Variants in RIN2 observed in about 807,000 individuals in gnomAD.
RIN2 encodes RAB5 interacting protein 2.
In RIN2, 36 loss-of-function variants were observed where a neutral mutation model predicts 78.0. The ratio of observed to expected loss-of-function variants is 0.46; its 90% CI spans 0.35 to 0.61. RIN2 has a LOEUF of 0.61. RIN2 is among the 20% of genes least tolerant of loss of function. RIN2 has a pLI of 0.00. For missense variants in RIN2, 1,087 were observed against 1,159.7 expected, an observed-to-expected ratio of 0.94 and a Z score of 0.91; for synonymous variants, 466 against 466.8, an observed-to-expected ratio of 1.00 and a Z score of 0.02.
At chr20:19,874,078 GTGTGTGTT>G (rs1395125208) in intron 2 of RIN2, among the ~76,000 whole-genome samples, 4 of 151,982 alleles carry the variant, frequency 2.6e-5, no homozygotes, top group African/African-American at 9.7e-5. Context: ...GTGTGTGTGT[GTGTGTGTT>G]TGTGTGTGTT....
intron 1 of RIN2, among the ~76,000 whole-genome samples, chr20:19,787,046 A>T (rs1600452894): frequency 6.6e-6 from 1 of 152,262 alleles, no homozygotes; most frequent in East Asian, 1.9e-4. Context: ...GGTCTCAAGG[A>T]TTTCTAATGA....
At chr20:19,977,518 G>T (rs1337656633) in intron 9 of RIN2, among the ~76,000 whole-genome samples, 8 of 152,130 alleles carry the variant, frequency 5.3e-5, no homozygotes, top group African/African-American at 1.9e-4. Flanking sequence ...TATTCCAGTG[G>T]GTCCTCACCT....
intron 2 of RIN2, among the ~76,000 whole-genome samples, chr20:19,804,874 T>C (rs2122741655): frequency 6.6e-6 from 1 of 152,310 alleles, no homozygotes; most frequent in Non-Finnish European, 1.5e-5. Context: ...TTTTGTTTTG[T>C]TTTTGGTTGG....
intron 11 of RIN2, among the ~76,000 whole-genome samples, chr20:19,992,646 C>CA (rs1434041244): frequency 6.6e-6 from 1 of 151,860 alleles, no homozygotes; most frequent in Non-Finnish European, 1.5e-5. Flanking sequence ...AGGAAAAACA[C>CA]AAAGAAAAAA....
chr20:19,855,467 T>C (rs1170710793), intron 2 of RIN2, among the ~76,000 whole-genome samples: 1 of 152,214 alleles, frequency 6.6e-6, no homozygotes, highest in East Asian at 1.9e-4. Context: ...TGCCAGCTCC[T>C]CCTCATACCT....
intron 2 of RIN2, among the ~76,000 whole-genome samples, chr20:19,833,816 T>A (rs1224503689): frequency 1.3e-5 from 2 of 152,064 alleles, no homozygotes; most frequent in African/African-American, 4.8e-5. Flanking sequence ...AGCACAGGGG[T>A]GCAAAAGTGC....
At chr20:19,929,928 A>G (rs1439990632) in intron 3 of RIN2, among the ~76,000 whole-genome samples, 1 of 152,176 alleles carries the variant, frequency 6.6e-6, no homozygotes, top group African/African-American at 2.4e-5. Flanking sequence ...TGTGATGCTA[A>G]CTGCTGCTGG....
At chr20:19,994,851 G>A (rs73901379) in intron 11 of RIN2, among the ~76,000 whole-genome samples, 2 of 152,110 alleles carry the variant, frequency 1.3e-5, no homozygotes, top group Non-Finnish European at 1.5e-5. Flanking sequence ...CTTAACTAGG[G>A]TGATTATACT....
chr20:19,955,795 T>TGA (rs1321579842), intron 4 of RIN2, among the ~76,000 whole-genome samples: 1 of 152,188 alleles, frequency 6.6e-6, no homozygotes, highest in Admixed American at 6.5e-5. Flanking sequence ...CTTAGATTTG[T>TGA]GAGAAGAAAT....
chr20:19,881,754 A>G (rs930211488), intron 2 of RIN2, among the ~76,000 whole-genome samples: 3 of 152,274 alleles, frequency 2.0e-5, no homozygotes, highest in Middle Eastern at 3.4e-3. Flanking sequence ...TAATAGACTC[A>G]GGACATTTTC....
intron 4 of RIN2, among the ~76,000 whole-genome samples, chr20:19,945,654 C>T (rs1198917110): frequency 1.3e-5 from 2 of 152,164 alleles, no homozygotes; most frequent in Admixed American, 6.5e-5. Context: ...TAAAGCTCAT[C>T]ACTGACTTTT....
chr20:19,921,620 T>A (rs2039925336), intron 3 of RIN2, among the ~76,000 whole-genome samples: 1 of 152,084 alleles, frequency 6.6e-6, no homozygotes. Context: ...CATCTCTGGC[T>A]CCAGGAAGAA....
At chr20:19,870,010 CTG>C (rs1315885362) in intron 2 of RIN2, among the ~76,000 whole-genome samples, 1 of 152,004 alleles carries the variant, frequency 6.6e-6, no homozygotes, top group African/African-American at 2.4e-5. Context: ...GAGGACTCCT[CTG>C]TACTATTTGC....
intron 4 of RIN2, among the ~76,000 whole-genome samples, chr20:19,947,797 G>A (rs968622855): frequency 2.0e-5 from 3 of 152,262 alleles, no homozygotes; most frequent in Admixed American, 2.0e-4. Context: ...CATGGGCGGA[G>A]CCTGCCGCTC....
At chr20:19,806,267 C>T (rs60592947) in intron 2 of RIN2, among the ~76,000 whole-genome samples, 3 of 152,154 alleles carry the variant, frequency 2.0e-5, no homozygotes, top group Non-Finnish European at 4.4e-5. Context: ...AATGGTATTT[C>T]TAGTTCTAGT....
intron 1 of RIN2, among the ~76,000 whole-genome samples, chr20:19,782,908 G>A (rs987711110): frequency 2.0e-5 from 3 of 152,238 alleles, no homozygotes; most frequent in Non-Finnish European, 1.5e-5. Context: ...CTGTATGCTG[G>A]CTGTCCAGCT....
chr20:19,944,817 G>A (rs2041022015), intron 4 of RIN2, among the ~76,000 whole-genome samples: 2 of 152,206 alleles, frequency 1.3e-5, no homozygotes, highest in Admixed American at 6.5e-5. Flanking sequence ...GCCTGTAGAA[G>A]CTTTGGGGTT....
intron 4 of RIN2, among the ~76,000 whole-genome samples, chr20:19,940,019 T>C (rs1207269732): frequency 2.0e-5 from 3 of 152,112 alleles, no homozygotes. Context: ...CACCACCGGC[T>C]AAGTTTTTGT....
intron 2 of RIN2, among the ~76,000 whole-genome samples, chr20:19,814,666 C>A (rs1055947782): frequency 6.6e-6 from 1 of 152,142 alleles, no homozygotes; most frequent in African/African-American, 2.4e-5. Context: ...GTGGCACAAT[C>A]AGACCGCACT....
Sources: allele counts gnomAD v4.1 joint callset (sites outside exome capture counted in the v4.1 genomes callset), GRCh38; gene constraint gnomAD v4.1.1; transcripts MANE v1.5; gene names NCBI Gene and HGNC (gene_info 2026-07-23, HGNC 2026-07-21).